The following MARCO variants were observed in gnomAD, a reference collection of about 807,000 sequenced individuals.
MARCO encodes macrophage receptor with collagenous structure, also known as macrophage receptor MARCO.
A neutral mutation model predicts 70.0 loss-of-function variants in MARCO; 72 were observed. The ratio of observed to expected loss-of-function variants is 1.03; its 90% CI spans 0.85 to 1.25. The LOEUF (loss-of-function observed/expected upper bound fraction) is 1.25. Among genes scored for constraint, MARCO ranks in the 50% most tolerant of loss-of-function variants. The pLI is 0.00. For missense variants in MARCO, 696 were observed against 659.3 expected, an observed-to-expected ratio of 1.06 and a Z score of -0.61; for synonymous variants, 273 against 243.1, an observed-to-expected ratio of 1.12 and a Z score of -1.14.
At chr2:118,970,949 G>A (rs1396351380) in intron 3 of MARCO, among the ~76,000 whole-genome samples, 2 of 152,222 alleles carry the variant, frequency 1.3e-5, no homozygotes, top group Non-Finnish European at 2.9e-5. Flanking sequence ...CCCTGTGTGA[G>A]CTGAGGCTTA....
chr2:118,986,448 A>T (rs1177547789), intron 12 of MARCO, among the ~76,000 whole-genome samples: 1 of 151,398 alleles, frequency 6.6e-6, no homozygotes, highest in Non-Finnish European at 1.5e-5. Context: ...TGAGCCAAAG[A>T]ATTTGAGCCT....
At chr2:118,978,473 A>T (rs1336747982) in intron 8 of MARCO, among the ~76,000 whole-genome samples, 1 of 152,210 alleles carries the variant, frequency 6.6e-6, no homozygotes, top group Non-Finnish European at 1.5e-5. Flanking sequence ...ACTCGAAGAA[A>T]CACTGGCTTA....
In MARCO at chr2:118,970,167, A is replaced by G. The variant is rs761084662; in HGVS notation, c.253A>G (p.Thr85Ala). 5.0e-6 allele frequency: 8 copies of G among 1,613,848 alleles called. No individual in the cohort carries two copies. Among genetic ancestry groups the G allele is most frequent in the Non-Finnish European group, 5.9e-6 (7 of 1,179,960 alleles). ...RVLEMYFLND[T>A]LAAEDSPSFS... ...CCTGGAGATGTATTTCCTCAATGACACTCTGGCGGCTGAGGACAGCCCGTC... is the reference window on the plus strand; with the variant it reads ...CCTGGAGATGTATTTCCTCAATGACGCTCTGGCGGCTGAGGACAGCCCGTC... Residue 85 changes from threonine (T) to alanine (A), a missense_variant, in exon 3 of 17, where the codon ACT becomes GCT. By Grantham distance (58) the Thr-to-Ala change is moderately conservative. Coordinates refer to ENST00000327097, the MANE Select transcript of MARCO (RefSeq NM_006770.4).
At position 118,978,958 on chromosome 2, in the gene MARCO, C is replaced by A. The variant is rs186836099; in HGVS notation, c.766+1023C>A. Among the ~76,000 whole-genome samples the A allele has an allele frequency of 7.8e-4, 119 of 152,222 alleles. 3 individuals carry two copies. Among genetic ancestry groups the A allele is most frequent in the Non-Finnish European group, 2.2e-4 (15 of 68,014 alleles). Reference sequence around the variant, plus strand: ...CTGATATGGCTCACTAACTGTGTGACCTTGGGCAAATGAATTAACCTCTCT... The same window carrying A: ...CTGATATGGCTCACTAACTGTGTGAACTTGGGCAAATGAATTAACCTCTCT... On this transcript the variant is annotated intron_variant, in intron 8 of 16. Coordinates refer to ENST00000327097, the MANE Select transcript of MARCO (RefSeq NM_006770.4).
At chr2:118,961,918 G>T (rs1416471329) in intron 1 of MARCO, among the ~76,000 whole-genome samples, 2 of 152,160 alleles carry the variant, frequency 1.3e-5, no homozygotes, top group African/African-American at 4.8e-5. Context: ...AAGGGATCCA[G>T]TTTCAGTTTT....
intron 6 of MARCO, among the ~76,000 whole-genome samples, chr2:118,975,583 C>T (rs1003406867): frequency 6.6e-6 from 1 of 152,132 alleles, no homozygotes. Context: ...ATAGGCAGAC[C>T]AGAAGAAGGA....
chr2:118,990,570 T>A lies in MARCO; in HGVS notation c.1064-19T>A. 1 of 1,075,612 alleles carries A rather than the reference T, an allele frequency of 9.3e-7. No individual in the cohort carries two copies. Among genetic ancestry groups the A allele is most frequent in the South Asian group, 1.2e-5 (1 of 81,138 alleles). 66.6% of individuals were successfully genotyped at this position (1,075,612 alleles called of 1,614,324 possible). On this transcript the variant is annotated intron_variant, in intron 12 of 16. Transcript: ENST00000327097. ...GTTTTATTATCTCCTCCCCCCCCCC[T>A]TTTTTGTTTTGATCTTAGGACTTCA... is the stretch of plus-strand genomic sequence containing the variant.
intron 1 of MARCO, among the ~76,000 whole-genome samples, chr2:118,942,943 T>C (rs1417441310): frequency 2.6e-5 from 4 of 152,238 alleles, no homozygotes; most frequent in African/African-American, 9.6e-5. Context: ...GTCTGTAATA[T>C]TCAGTCAACT....
Position 118,969,268 on chromosome 2 carries a change from C to T in MARCO, c.199+7C>T, listed in dbSNP as rs1430634171. 1.2e-6 allele frequency: 2 copies of T among 1,612,250 alleles called. No individual in the cohort carries two copies. On this transcript the variant is annotated splice_region_variant and intron_variant, in intron 2 of 16. Transcript: ENST00000327097. ...GGGCTGCTGGTGGTCCAAGGTAAAG[C>T]AGGCTTGGTCCTGTGTAGTCCCTCC... is the stretch of plus-strand genomic sequence containing the variant.
rs559689938 is a variant in MARCO, at chr2:118,976,521, T to TCCCTGC, written c.614-934_614-929dup. ...ACCATTTCTCTCCTCAACAGATCCC[T>TCCCTGC]CCCTGCCCCTGCCCCTGCCCCAGGA... On this transcript the variant is annotated intron_variant, in intron 6 of 16. Coordinates refer to ENST00000327097, the MANE Select transcript of MARCO (RefSeq NM_006770.4). 8.9e-3 allele frequency among the ~76,000 whole-genome samples: 1,356 copies of TCCCTGC among 152,114 alleles called. 6 individuals carry two copies. The highest frequency in any genetic ancestry group is 0.013 in the Non-Finnish European group (905 of 67,970).
At chr2:118,976,539 C>T (rs370130367) in intron 6 of MARCO, among the ~76,000 whole-genome samples, 3 of 152,228 alleles carry the variant, frequency 2.0e-5, no homozygotes, top group African/African-American at 7.2e-5. Flanking sequence ...CCTGCCCCTG[C>T]CCCAGGAACA....
chr2:118,975,315 G>A (rs1470015485), intron 6 of MARCO, among the ~76,000 whole-genome samples: 2 of 152,162 alleles, frequency 1.3e-5, no homozygotes, highest in Admixed American at 6.6e-5. Flanking sequence ...GTGAAGATGC[G>A]AAGACATTAA....
At chr2:118,981,313 G>C in intron 8 of MARCO, 96 bp from the exon 9 acceptor site, 1 of 800,892 alleles carries the variant, frequency 1.2e-6, no homozygotes, top group East Asian at 2.7e-5. Flanking sequence ...GGAGTTTAGG[G>C]TTTGGGATTT....
chr2:118,986,835 G>A (rs1290225272), intron 12 of MARCO, among the ~76,000 whole-genome samples: 4 of 152,136 alleles, frequency 2.6e-5, no homozygotes, highest in Non-Finnish European at 5.9e-5. Flanking sequence ...ATGTATTGGA[G>A]ATTTCTCCAT....
chr2:118,965,127 T>C (rs1450063813), intron 1 of MARCO, among the ~76,000 whole-genome samples: 1 of 152,198 alleles, frequency 6.6e-6, no homozygotes, highest in Non-Finnish European at 1.5e-5. Context: ...TAGCCATTAT[T>C]TCTTTGAATA....
chr2:118,955,848 A>G (rs1679826868), intron 1 of MARCO, among the ~76,000 whole-genome samples: 1 of 152,236 alleles, frequency 6.6e-6, no homozygotes, highest in African/African-American at 2.4e-5. Context: ...GTATCCAGCA[A>G]AACTAAGCAT....
intron 8 of MARCO, among the ~76,000 whole-genome samples, chr2:118,979,342 G>A (rs1680345934): frequency 6.6e-6 from 1 of 152,188 alleles, no homozygotes; most frequent in African/African-American, 2.4e-5. Context: ...AAGTGCGTGG[G>A]CATGGGTTTT....
chr2:118,980,653 A>G (rs990180672), intron 8 of MARCO, among the ~76,000 whole-genome samples: 1 of 151,920 alleles, frequency 6.6e-6, no homozygotes, highest in Non-Finnish European at 1.5e-5. Context: ...CCTTTGCCCC[A>G]CTCTACCCAC....
chr2:118,948,728 G>A (rs2104546735), intron 1 of MARCO, among the ~76,000 whole-genome samples: 1 of 152,276 alleles, frequency 6.6e-6, no homozygotes, highest in Middle Eastern at 3.4e-3. Context: ...ACTCTTGGAT[G>A]TATGGTACAA....
Sources: allele counts gnomAD v4.1 joint callset (sites outside exome capture counted in the v4.1 genomes callset), GRCh38; gene constraint gnomAD v4.1.1; transcripts MANE v1.5; gene names NCBI Gene and HGNC (gene_info 2026-07-23, HGNC 2026-07-21).